ASXL3: variants seen among roughly 807,000 people sequenced by gnomAD.
The protein encoded by ASXL3 is putative Polycomb group protein ASXL3.
Under a neutral mutation model 170.6 loss-of-function variants are expected in ASXL3, and 34 were observed. The observed-to-expected ratio is 0.20, with a 90% CI of 0.15 to 0.27. The LOEUF (loss-of-function observed/expected upper bound fraction) is 0.27. Among genes scored for constraint, ASXL3 ranks in the 10% least tolerant of loss-of-function variants. The pLI, the probability that ASXL3 is intolerant of heterozygous loss-of-function variation, is 1.00. For synonymous variants in ASXL3, 1,002 were observed against 989.1 expected (o/e 1.01, Z -0.24); for missense variants, 2,592 against 2,695.3 (o/e 0.96, Z 0.85).
intron 2 of ASXL3, among the ~76,000 whole-genome samples, chr18:33,609,990 T>C (rs2065309731): frequency 6.6e-6 from 1 of 152,062 alleles, no homozygotes; most frequent in Non-Finnish European, 1.5e-5. Context: ...GTTCCCTTGC[T>C]TTCTAGTTCT....
chr18:33,640,804 A>G lies in ASXL3; in HGVS notation c.138-4090A>G, dbSNP rs2065834845. On this transcript the variant is annotated intron_variant, in intron 2 of 11. Transcript: ENST00000269197. ...GTTTATATTAATTTATATTAATAGCACTAAGCACAGTAACTAATTATGGTG... is the reference window on the plus strand; with the variant it reads ...GTTTATATTAATTTATATTAATAGCGCTAAGCACAGTAACTAATTATGGTG... Among the ~76,000 whole-genome samples, 9 of 152,138 alleles carry G rather than the reference A, an allele frequency of 5.9e-5. No individual in the cohort carries two copies. In the South Asian group the frequency reaches 1.9e-3, roughly 31 times the overall value.
intron 1 of ASXL3, among the ~76,000 whole-genome samples, chr18:33,596,805 TTTCA>T (rs1273361927): frequency 6.6e-6 from 1 of 152,158 alleles, no homozygotes; most frequent in Non-Finnish European, 1.5e-5. Flanking sequence ...TCTCTCTCTG[TTTCA>T]TTCATTCATT....
intron 8 of ASXL3, among the ~76,000 whole-genome samples, chr18:33,718,864 AAG>A (rs2067211353): frequency 6.6e-6 from 1 of 152,050 alleles, no homozygotes; most frequent in African/African-American, 2.4e-5. Flanking sequence ...TAATCAATGA[AAG>A]AGAATTCTAC....
chr18:33,635,537 T>C (rs2065751033), intron 2 of ASXL3, among the ~76,000 whole-genome samples: 1 of 152,220 alleles, frequency 6.6e-6, no homozygotes, highest in Non-Finnish European at 1.5e-5. Flanking sequence ...ATTTATACTC[T>C]TTCCTTTTAT....
chr18:33,592,979 GCCTTTTCTCCCA>G (rs2065090905), intron 1 of ASXL3, among the ~76,000 whole-genome samples: 1 of 151,986 alleles, frequency 6.6e-6, no homozygotes, highest in African/African-American at 2.4e-5. Flanking sequence ...CAAAATAACT[GCCTTTTCTCCCA>G]CTTGTCTACT....
Position 33,740,259 on chromosome 18 carries a change from T to A in ASXL3, c.2855T>A (p.Ile952Lys), listed in dbSNP as rs1349675639. Residue 952 changes from isoleucine (I) to lysine (K), a missense_variant, in exon 11 of 12, where the codon ATA becomes AAA. Around this residue, in one of 4 missense-constraint regions of ASXL3, gnomAD observed 2,246 missense variants for 2,219.6 expected, o/e 1.01. Transcript: ENST00000269197. ...SSEPSKSPDG[I>K]RNESRDSEIS... Reference sequence around the variant, plus strand: ...GAGCCCTCCAAGTCACCTGATGGGATAAGAAATGAAAGTAGAGATTCAGAG... The same window carrying A: ...GAGCCCTCCAAGTCACCTGATGGGAAAAGAAATGAAAGTAGAGATTCAGAG... 1 of 1,613,384 alleles carries A rather than the reference T, an allele frequency of 6.2e-7. No individual in the cohort carries two copies. Among genetic ancestry groups the A allele is most frequent in the Admixed American group, 1.7e-5 (1 of 59,914 alleles).
chr18:33,593,941 A>T (rs892263843), intron 1 of ASXL3, among the ~76,000 whole-genome samples: 17 of 152,214 alleles, frequency 1.1e-4, no homozygotes, highest in Admixed American at 2.6e-4. Context: ...AAGATATTTT[A>T]CATTTATATC....
chr18:33,696,702 G>A (rs2066778818), intron 8 of ASXL3, among the ~76,000 whole-genome samples: 1 of 151,828 alleles, frequency 6.6e-6, no homozygotes, highest in Non-Finnish European at 1.5e-5. Context: ...TGCTTTCTCG[G>A]AGTGTTCATC....
chr18:33,586,064 C>T (rs551262919), intron 1 of ASXL3, among the ~76,000 whole-genome samples: 10 of 152,054 alleles, frequency 6.6e-5, no homozygotes, highest in Non-Finnish European at 1.5e-4. Flanking sequence ...AGGTGAATGG[C>T]ATTTCTAAGA....
At chr18:33,662,901 A>G (rs1395908251) in intron 5 of ASXL3, among the ~76,000 whole-genome samples, 1 of 152,108 alleles carries the variant, frequency 6.6e-6, no homozygotes, top group Non-Finnish European at 1.5e-5. Context: ...AGACATCTCT[A>G]CCTATCTTCT....
At chr18:33,627,370 A>G (rs762507963) in intron 2 of ASXL3, among the ~76,000 whole-genome samples, 4 of 152,148 alleles carry the variant, frequency 2.6e-5, no homozygotes, top group Admixed American at 2.0e-4. Flanking sequence ...TGTGCTTTCT[A>G]ATTTCTCTGT....
intron 4 of ASXL3, among the ~76,000 whole-genome samples, chr18:33,651,308 A>G (rs2065994373): frequency 6.6e-6 from 1 of 152,092 alleles, no homozygotes; most frequent in Non-Finnish European, 1.5e-5. Flanking sequence ...ATATATTTGA[A>G]CCAAAAGTTA....
intron 2 of ASXL3, 106 bp downstream of exon 2, chr18:33,607,782 A>G (rs868707067): frequency 3.6e-6 from 3 of 834,400 alleles, no homozygotes; most frequent in Middle Eastern, 3.2e-4. Flanking sequence ...TTGATTGTGA[A>G]TTAACTCCCC....
chr18:33,655,162 A>G (rs2066062924), intron 4 of ASXL3, among the ~76,000 whole-genome samples: 1 of 152,074 alleles, frequency 6.6e-6, no homozygotes, highest in African/African-American at 2.4e-5. Context: ...CTCTGGCATG[A>G]TGACATTTTG....
chr18:33,727,093 A>T (rs188012841), intron 8 of ASXL3, among the ~76,000 whole-genome samples: 2 of 151,884 alleles, frequency 1.3e-5, no homozygotes, highest in African/African-American at 4.8e-5. Context: ...CACATACTCA[A>T]TGTGAATATT....
rs575672235 is a variant in ASXL3 at position 33,624,754 on chromosome 18, C to G, written c.137+17078C>G. ...GAGAAGAGACTTTAGGGAGCAAAACCAATTTGCTGTCTCTTAGGAGGTGCA... is the reference window on the plus strand; with the variant it reads ...GAGAAGAGACTTTAGGGAGCAAAACGAATTTGCTGTCTCTTAGGAGGTGCA... On this transcript the variant is annotated intron_variant, in intron 2 of 11. Transcript: ENST00000269197. Among the ~76,000 whole-genome samples, 5 of 152,158 alleles carry G rather than the reference C, an allele frequency of 3.3e-5. No individual in the cohort carries two copies. In the South Asian group the frequency reaches 1.0e-3, roughly 32 times the overall value.
chr18:33,587,394 C>T (rs1402899274), intron 1 of ASXL3, among the ~76,000 whole-genome samples: 1 of 152,098 alleles, frequency 6.6e-6, no homozygotes, highest in Non-Finnish European at 1.5e-5. Context: ...TAATCAACTT[C>T]TCTGTTCAAC....
At chr18:33,677,197 A>AT (rs1218477652) in intron 7 of ASXL3, among the ~76,000 whole-genome samples, 2 of 152,188 alleles carry the variant, frequency 1.3e-5, no homozygotes, top group Non-Finnish European at 2.9e-5. Context: ...GTGAAGAATT[A>AT]TAGCTTTGTT....
intron 2 of ASXL3, among the ~76,000 whole-genome samples, chr18:33,632,430 A>G (rs1040215524): frequency 1.3e-5 from 2 of 152,130 alleles, no homozygotes; most frequent in African/African-American, 4.8e-5. Context: ...GAACACCACC[A>G]TTAACTCTCT....
Sources: gnomAD v4.1 joint callset for allele counts (sites outside exome capture counted in the v4.1 genomes callset) on GRCh38, gnomAD v4.1.1 for gene constraint, gnomAD v4.1.1 regional missense constraint, MANE v1.5 for transcripts, NCBI Gene and HGNC (gene_info 2026-07-23, HGNC 2026-07-21) for gene names.